Variants in PDCD2L observed in about 807,000 individuals in gnomAD.
The protein encoded by PDCD2L is uS5 assembly chaperone PDCD2L.
PDCD2L carries 44 observed loss-of-function variants against 40.4 expected under a neutral mutation model. The ratio of observed to expected loss-of-function variants is 1.09; its 90% confidence interval spans 0.86 to 1.40. The LOEUF (loss-of-function observed/expected upper bound fraction) is 1.40, where lower values mean the gene tolerates loss of function less well. Among genes scored for constraint, PDCD2L ranks in the 40% most tolerant of loss-of-function variants. The pLI is 0.00. For missense variants in PDCD2L, 470 were observed against 453.7 expected (o/e 1.04, Z -0.33); for synonymous variants, 194 against 174.6 (o/e 1.11, Z -0.88).
intron 6 of PDCD2L, among the ~76,000 whole-genome samples, chr19:34,425,425 T>G (rs2145476463): frequency 6.6e-6 from 1 of 151,886 alleles, no homozygotes; most frequent in East Asian, 1.9e-4. Context: ...CTTAGTCTCC[T>G]CTGAGTAGCT....
chr19:34,408,399 T>C (rs951928539), intron 3 of PDCD2L, among the ~76,000 whole-genome samples: 1 of 151,886 alleles, frequency 6.6e-6, no homozygotes, highest in Non-Finnish European at 1.5e-5. Context: ...GGTGTGATCT[T>C]GGCTCACTGC....
intron 6 of PDCD2L, among the ~76,000 whole-genome samples, chr19:34,425,406 T>A (rs150864044): frequency 1.1e-4 from 16 of 151,798 alleles, no homozygotes; most frequent in Non-Finnish European, 1.8e-4. Context: ...GCTCAAGTGA[T>A]CCTTCTGCCT....
At chr19:34,421,959 G>T (rs560410139) in intron 6 of PDCD2L, 331 of 195,806 alleles carry the variant, frequency 1.7e-3, no homozygotes, top group African/African-American at 7.4e-3. Context: ...GTGGTGGCAC[G>T]TGCCTGTAGT....
chr19:34,416,724 G>C (rs1341564523), intron 5 of PDCD2L, among the ~76,000 whole-genome samples: 1 of 152,210 alleles, frequency 6.6e-6, no homozygotes, highest in Non-Finnish European at 1.5e-5. Context: ...GTGTGAGCTA[G>C]ATGAAAAATA....
chr19:34,413,439 G>A (rs1031416485), intron 4 of PDCD2L, among the ~76,000 whole-genome samples: 1 of 149,650 alleles, frequency 6.7e-6, no homozygotes, highest in African/African-American at 2.5e-5. Flanking sequence ...GGGTTCAAGC[G>A]ATTTCCTCTG....
Position 34,407,781 on chromosome 19 carries a change from A to C in PDCD2L, c.337-1380A>C, listed in dbSNP as rs934496785. Among the ~76,000 whole-genome samples, 7 of 152,214 alleles carry C rather than the reference A, an allele frequency of 4.6e-5. No homozygotes were observed. The East Asian group carries it at 1.2e-3, about 25-fold the overall frequency. On this transcript the variant is annotated intron_variant, in intron 3 of 6. Transcript: ENST00000246535. Reference sequence around the variant, plus strand: ...CGTGTCTTTATAGTAAATATACTTTATGAGAGCTATATATGTATTAACACA... The same window carrying C: ...CGTGTCTTTATAGTAAATATACTTTCTGAGAGCTATATATGTATTAACACA...
chr19:34,423,711 A>G (rs1449776534), intron 6 of PDCD2L, among the ~76,000 whole-genome samples: 6 of 148,966 alleles, frequency 4.0e-5, no homozygotes, highest in Non-Finnish European at 8.9e-5. Flanking sequence ...CTGGTCTTGA[A>G]CTCCTGACCT....
intron 4 of PDCD2L, among the ~76,000 whole-genome samples, chr19:34,411,970 A>ATATATG (rs1277282850): frequency 1.4e-5 from 2 of 145,846 alleles, no homozygotes; most frequent in Non-Finnish European, 3.0e-5. Context: ...ATACATATAT[A>ATATATG]TATATATATA....
Position 34,404,430 on chromosome 19 carries a change from C to T in PDCD2L, c.-1C>T, listed in dbSNP as rs755547118. The T allele has an allele frequency of 1.4e-5, 22 of 1,541,372 alleles. No individual in the cohort carries two copies. The highest frequency in any genetic ancestry group is 5.5e-5 in the African/African-American group (4 of 72,702). Reference sequence around the variant, plus strand: ...CGTTTTCACCTGGTCGCCCGGCGGCCATGGCGGCCGTTCTGAAGCCGGTGC... The same window carrying T: ...CGTTTTCACCTGGTCGCCCGGCGGCTATGGCGGCCGTTCTGAAGCCGGTGC... On this transcript the variant is annotated 5_prime_UTR_variant, in exon 1 of 7. Coordinates refer to ENST00000246535, the MANE Select transcript of PDCD2L (RefSeq NM_032346.2).
intron 4 of PDCD2L, among the ~76,000 whole-genome samples, chr19:34,410,762 T>TTTTATTTATTTA (rs1555724388): frequency 8.3e-4 from 121 of 146,320 alleles, no homozygotes; most frequent in African/African-American, 2.5e-3. Flanking sequence ...ACTTTTTATT[T>TTTTATTTATTTA]TTTATTTATT....
chr19:34,422,424 CCT>C (rs1491375257), intron 6 of PDCD2L: 20 of 151,758 alleles, frequency 1.3e-4, no homozygotes, highest in African/African-American at 4.8e-4. Context: ...GTCTCGAACT[CCT>C]AGACTCAAGC....
intron 4 of PDCD2L, among the ~76,000 whole-genome samples, chr19:34,412,405 A>G (rs1394875855): frequency 2.6e-5 from 4 of 152,166 alleles, no homozygotes; most frequent in Admixed American, 6.6e-5. Flanking sequence ...CATGTACACA[A>G]TTTAAATATC....
At chr19:34,410,462 G>A (rs1303309503) in intron 4 of PDCD2L, among the ~76,000 whole-genome samples, 2 of 152,046 alleles carry the variant, frequency 1.3e-5, no homozygotes, top group Non-Finnish European at 2.9e-5. Context: ...ATGTTGGTCA[G>A]GCTGGTCTCG....
chr19:34,412,058 T>C (rs2075106677), intron 4 of PDCD2L, among the ~76,000 whole-genome samples: 1 of 149,920 alleles, frequency 6.7e-6, no homozygotes, highest in African/African-American at 2.4e-5. Flanking sequence ...TCTCGCTCTG[T>C]TGCCAGGCTG....
Position 34,409,332 on chromosome 19 carries a change from G to A in PDCD2L, c.508G>A (p.Ala170Thr), listed in dbSNP as rs973033734. The change falls in exon 4 of 7, where the codon GCT becomes ACT. Residue 170 changes from alanine to threonine, a missense_variant. Transcript: ENST00000246535. ...GCTCCAAGACCTCCGCCTGCAGGAT[G>A]CTGTCCTGGGTGCTGCCCATCCTGT... Reference protein sequence around the residue: ...ARLQDLRLQDAVLGAAHPVPP... With the variant: ...ARLQDLRLQDTVLGAAHPVPP... The A allele has an allele frequency of 1.2e-6, 2 of 1,614,030 alleles. No individual in the cohort carries two copies. The highest frequency in any genetic ancestry group is 1.7e-6 in the Non-Finnish European group (2 of 1,180,002).
Position 34,413,764 on chromosome 19 carries a change from T to C in PDCD2L, c.714T>C (p.Tyr238=), listed in dbSNP as rs2145464519. The C allele has an allele frequency of 6.2e-7, 1 of 1,602,004 alleles. No homozygotes were observed. The highest frequency in any genetic ancestry group is 8.5e-7 in the Non-Finnish European group (1 of 1,171,366). Reference sequence around the variant, plus strand: ...TTCCTAATGATGGTGATGAAAAATATGAGAAGACCATAATTAAAAGTGGAG... The same window carrying C: ...TTCCTAATGATGGTGATGAAAAATACGAGAAGACCATAATTAAAAGTGGAG... ...QSLPNDGDEK[Y]EKTIIKSGDQ... Residue 238 remains tyrosine, a synonymous_variant, in exon 5 of 7, where the codon TAT becomes TAC. Coordinates refer to ENST00000246535, the MANE Select transcript of PDCD2L (RefSeq NM_032346.2).
Position 34,404,486 on chromosome 19 carries a change from G to T in PDCD2L, c.56G>T (p.Gly19Val). Residue 19 changes from glycine (G) to valine (V), a missense_variant, in exon 1 of 7, where the codon GGC (glycine) becomes GTC (valine). Coordinates refer to ENST00000246535, the MANE Select transcript of PDCD2L (RefSeq NM_032346.2). ...LLGLRDAPVH[G>V]SPTGPGAWTA... ...GGCCTTCGAGATGCGCCGGTGCACGGCAGCCCCACAGGGCCGGGTGCCTGG... is the reference window on the plus strand; with the variant it reads ...GGCCTTCGAGATGCGCCGGTGCACGTCAGCCCCACAGGGCCGGGTGCCTGG... The T allele has an allele frequency of 6.5e-7, 1 of 1,543,736 alleles. No individual in the cohort carries two copies.
rs905258548 is a variant in PDCD2L, at chr19:34,409,284, A to G, written c.460A>G (p.Lys154Glu). 1.2e-6 allele frequency: 2 copies of G among 1,614,122 alleles called. No individual in the cohort carries two copies. Among genetic ancestry groups the G allele is most frequent in the Non-Finnish European group, 1.7e-6 (2 of 1,180,036 alleles). ...TTTTGGGAATGATGCCAGCAGTGCC[A>G]AAGACGTAGACTGGACTGCTCGGCT... ...LDFGNDASSA[K>E]DVDWTARLQD... Residue 154 changes from lysine (K) to glutamate (E), a missense_variant, in exon 4 of 7, where the codon AAA (lysine) becomes GAA (glutamate). By Grantham distance (56) the Lys-to-Glu change is moderately conservative (BLOSUM62 1). Coordinates refer to ENST00000246535, the MANE Select transcript of PDCD2L (RefSeq NM_032346.2).
Position 34,409,468 on chromosome 19 carries a change from A to G in PDCD2L, c.644A>G (p.Gln215Arg). 1 of 1,614,122 alleles carries G rather than the reference A, an allele frequency of 6.2e-7. No homozygotes were observed. The highest frequency in any genetic ancestry group is 8.5e-7 in the Non-Finnish European group (1 of 1,180,028). The change falls in exon 4 of 7, where the codon CAG becomes CGG. Residue 215 changes from glutamine (Q) to arginine (R), a missense_variant. Transcript: ENST00000246535. ...GCCCACAGCCTTCTGAGGGACTATC[A>G]GCAGAGAGAAGGCATTGCCATGGAT... is the stretch of plus-strand genomic sequence containing the variant. The part of the protein sequence containing the change: ...DHAHSLLRDY[Q>R]QREGIAMDQL...
Sources: gnomAD v4.1 joint callset for allele counts (sites outside exome capture counted in the v4.1 genomes callset) on GRCh38, gnomAD v4.1.1 for gene constraint, MANE v1.5 for transcripts, NCBI Gene and HGNC (gene_info 2026-07-23, HGNC 2026-07-21) for gene names.